The following MTUS1 variants were observed in gnomAD, a reference collection of about 807,000 sequenced individuals.
MTUS1 encodes microtubule-associated tumor suppressor 1.
A neutral mutation model predicts 120.8 loss-of-function variants in MTUS1; 109 were observed. The ratio of observed to expected loss-of-function variants is 0.90; its 90% CI spans 0.77 to 1.06. The LOEUF (loss-of-function observed/expected upper bound fraction) is 1.06, where lower values mean the gene tolerates loss of function less well. MTUS1 is among the 50% of genes least tolerant of loss of function. The pLI is 0.00. For missense variants in MTUS1, 2,210 were observed against 1,486.3 expected, an observed-to-expected ratio of 1.49 and a Z score of -8.01; for synonymous variants, 737 against 550.5, an observed-to-expected ratio of 1.34 and a Z score of -4.74.
intron 13 of MTUS1, among the ~76,000 whole-genome samples, chr8:17,648,758 C>T (rs893269957): frequency 3.3e-5 from 5 of 152,202 alleles, no homozygotes; most frequent in African/African-American, 1.2e-4. Context: ...CCCTACTGTC[C>T]AGGGCTGGTT....
intron 1 of MTUS1, among the ~76,000 whole-genome samples, chr8:17,768,422 T>C (rs995127813): frequency 3.3e-5 from 5 of 152,166 alleles, no homozygotes; most frequent in Admixed American, 2.6e-4. Context: ...AGTTTAATTA[T>C]CCAAGGAAAA....
chr8:17,766,015 A>G (rs867996130), intron 1 of MTUS1, among the ~76,000 whole-genome samples: 8 of 152,166 alleles, frequency 5.3e-5, no homozygotes, highest in Non-Finnish European at 1.0e-4. Flanking sequence ...ATTATACACT[A>G]CAAATTAAGA....
intron 1 of MTUS1, among the ~76,000 whole-genome samples, chr8:17,794,055 C>T (rs1170371167): frequency 6.6e-6 from 1 of 152,170 alleles, no homozygotes; most frequent in Non-Finnish European, 1.5e-5. Context: ...AGGCCGGGCA[C>T]AGTGGCTCAC....
rs1041685576 is a variant in MTUS1 at position 17,674,476 on chromosome 8, C to T, written c.2905+710G>A. The T allele has an allele frequency of 2.3e-5, 23 of 985,038 alleles. No individual in the cohort carries two copies. In the South Asian group the frequency reaches 2.8e-4, roughly 12 times the overall value. The allele number at this position is 985,038 out of a possible 1,614,324, so 61.0% of individuals were successfully genotyped here. ...AAGCAAAACAAAGCAAAGGCAGTGT[C>T]GTGTCTGTTCCATGAACCCTAAGGG... On this transcript the variant is annotated intron_variant, in intron 8 of 14. Transcript: ENST00000693296.
At chr8:17,708,083 C>A (rs950220044) in intron 6 of MTUS1, among the ~76,000 whole-genome samples, 3 of 151,978 alleles carry the variant, frequency 2.0e-5, no homozygotes, top group Non-Finnish European at 4.4e-5. Context: ...AAAGCAGAAG[C>A]AACAAAAGAA....
At chr8:17,723,611 T>G in intron 4 of MTUS1, 61 bp downstream of exon 4, 2 of 1,505,070 alleles carry the variant, frequency 1.3e-6, no homozygotes, top group Non-Finnish European at 1.9e-6. Flanking sequence ...TTGCAGAGCA[T>G]TAGTTTTTCT....
chr8:17,674,557 G>C, intron 8 of MTUS1: 24 of 985,962 alleles, frequency 2.4e-5, no homozygotes, highest in South Asian at 4.7e-5. Context: ...TGGAGGGCTG[G>C]GTGGTGGGTG....
rs376835320 is a variant in MTUS1 at position 17,703,470 on chromosome 8, A to G, written c.2623+9744T>C. Among the ~76,000 whole-genome samples the G allele has an allele frequency of 9.2e-5, 14 of 152,096 alleles. No homozygotes were observed. The East Asian group carries it at 2.3e-3, about 25-fold the overall frequency. On this transcript the variant is annotated intron_variant, in intron 6 of 14. Transcript: ENST00000693296. ...AACATGGTGAAACCCCGTCTCTACT[A>G]GAAATGTAAAAACTTTGCCTAGCGT... is the stretch of plus-strand genomic sequence containing the variant.
At chr8:17,739,221 C>T (rs2047140373) in intron 3 of MTUS1, among the ~76,000 whole-genome samples, 2 of 152,034 alleles carry the variant, frequency 1.3e-5, no homozygotes, top group Non-Finnish European at 2.9e-5. Flanking sequence ...AGGCCAGGCG[C>T]GGTGGCTCAC....
rs146232122 is a variant in MTUS1, at chr8:17,667,030, G to C, written c.2905+8156C>G. ...TCTACACAATAAGGTATTAAATTAG[G>C]AAAATCCCAAGTTGAGAGACTGGAG... is the stretch of plus-strand genomic sequence containing the variant. On this transcript the variant is annotated intron_variant, in intron 8 of 14. Coordinates refer to ENST00000693296, the MANE Select transcript of MTUS1 (RefSeq NM_001363059.2). Among the ~76,000 whole-genome samples, 942 of 152,270 alleles carry C rather than the reference G, an allele frequency of 6.2e-3. 10 individuals carry two copies. Among genetic ancestry groups the C allele is most frequent in the African/African-American group, 0.021 (884 of 41,550 alleles).
chr8:17,666,793 T>C (rs1344686403), intron 8 of MTUS1, among the ~76,000 whole-genome samples: 1 of 152,088 alleles, frequency 6.6e-6, no homozygotes, highest in East Asian at 1.9e-4. Context: ...TCTCCTTCTG[T>C]AATTGGGAAG....
chr8:17,658,060 CAG>C (rs1808849383), intron 8 of MTUS1, among the ~76,000 whole-genome samples: 1 of 148,322 alleles, frequency 6.7e-6, no homozygotes, highest in Admixed American at 6.8e-5. Flanking sequence ...CACACACACA[CAG>C]AGTCTTGCTG....
intron 1 of MTUS1, among the ~76,000 whole-genome samples, chr8:17,792,194 G>C (rs1223491441): frequency 6.6e-6 from 1 of 152,144 alleles, no homozygotes; most frequent in East Asian, 1.9e-4. Flanking sequence ...GCTAAATGGT[G>C]AAATACCTCT....
intron 13 of MTUS1, 55 bp from the exon 14 acceptor site, chr8:17,647,134 A>G: frequency 7.2e-7 from 1 of 1,398,174 alleles, no homozygotes; most frequent in Non-Finnish European, 1.0e-6. Context: ...AAAACCCCTC[A>G]TTTCTTAAGG....
chr8:17,692,825 C>G (rs1256401015), intron 6 of MTUS1, among the ~76,000 whole-genome samples: 1 of 152,088 alleles, frequency 6.6e-6, no homozygotes, highest in East Asian at 1.9e-4. Context: ...ATATAACAAA[C>G]CTTTACATGT....
chr8:17,762,313 G>C (rs1304071715), intron 1 of MTUS1, among the ~76,000 whole-genome samples: 1 of 152,016 alleles, frequency 6.6e-6, no homozygotes, highest in Non-Finnish European at 1.5e-5. Flanking sequence ...AAATTAAGCA[G>C]CTGAACAAAA....
chr8:17,720,773 G>A lies in MTUS1; in HGVS notation c.2449+2899C>T, dbSNP rs150725302. ...TAATGATCTTAAAAACTGGATATTA[G>A]GTATCTGAGTGTGAAAGACCTTATA... On this transcript the variant is annotated intron_variant, in intron 4 of 14. Coordinates refer to ENST00000693296, the MANE Select transcript of MTUS1 (RefSeq NM_001363059.2). Among the ~76,000 whole-genome samples, 23 of 152,194 alleles carry A rather than the reference G, an allele frequency of 1.5e-4. No individual in the cohort carries two copies. The East Asian group carries it at 2.5e-3, about 17-fold the overall frequency.
At chr8:17,658,310 A>G (rs1808906741) in intron 8 of MTUS1, among the ~76,000 whole-genome samples, 1 of 152,210 alleles carries the variant, frequency 6.6e-6, no homozygotes, top group Admixed American at 6.5e-5. Context: ...TATATTTTAA[A>G]AGGGCAAAGT....
At chr8:17,720,353 A>G (rs540375227) in intron 4 of MTUS1, among the ~76,000 whole-genome samples, 1 of 151,748 alleles carries the variant, frequency 6.6e-6, no homozygotes, top group Non-Finnish European at 1.5e-5. Context: ...CTAAAAAAAA[A>G]AAAAACAAAA....
Sources: gnomAD v4.1 joint callset for allele counts (sites outside exome capture counted in the v4.1 genomes callset) on GRCh38, gnomAD v4.1.1 for gene constraint, MANE v1.5 for transcripts, NCBI Gene and HGNC (gene_info 2026-07-23, HGNC 2026-07-21) for gene names.